The following OR1J2 variants were observed in gnomAD, a reference collection of about 807,000 sequenced individuals.
OR1J2 encodes olfactory receptor 1J2.
For missense variants in OR1J2, 304 were observed against 246.1 expected, an observed-to-expected ratio of 1.24 and a Z score of -1.57; for synonymous variants, 142 against 99.7, an observed-to-expected ratio of 1.42 and a Z score of -2.52.
At chr9:122,493,552 C>G in the OR1J2 span, among the ~76,000 whole-genome samples, 3 of 152,078 alleles carry the variant, frequency 2.0e-5, no homozygotes, top group African/African-American at 7.2e-5. Context: ...GTAATAGCTC[C>G]CATTTCATTT....
At chr9:122,507,492 C>T (rs1238223127), upstream of OR1J2, among the ~76,000 whole-genome samples, 5 of 152,154 alleles carry the variant, frequency 3.3e-5, no homozygotes, top group Admixed American at 2.0e-4. Context: ...AGCTGCTAGG[C>T]ATCAGAATAT....
the OR1J2 span, among the ~76,000 whole-genome samples, chr9:122,540,811 C>A: frequency 1.3e-5 from 2 of 152,140 alleles, no homozygotes; most frequent in Non-Finnish European, 2.9e-5. Context: ...GTTTGTAGCT[C>A]TCCTTGAAGA....
At chr9:122,503,615 T>C in the OR1J2 span, among the ~76,000 whole-genome samples, 3 of 152,226 alleles carry the variant, frequency 2.0e-5, no homozygotes, top group Non-Finnish European at 4.4e-5. Flanking sequence ...CTGGTAGGCA[T>C]TGACATAAGA....
At chr9:122,566,712 C>T in the OR1J2 span, among the ~76,000 whole-genome samples, 2 of 152,220 alleles carry the variant, frequency 1.3e-5, no homozygotes, top group South Asian at 4.1e-4. Flanking sequence ...ATATTCAATA[C>T]ACATTTACAA....
At chr9:122,481,428 G>A in the OR1J2 span, among the ~76,000 whole-genome samples, 3 of 151,196 alleles carry the variant, frequency 2.0e-5, no homozygotes, top group Non-Finnish European at 4.4e-5. Flanking sequence ...AATATATACT[G>A]CCACAAATCA....
the OR1J2 span, among the ~76,000 whole-genome samples, chr9:122,517,341 A>C: frequency 1.3e-5 from 2 of 152,316 alleles, no homozygotes. Flanking sequence ...TGGGCCAGGC[A>C]TTCTTGCCCC....
the OR1J2 span, among the ~76,000 whole-genome samples, chr9:122,573,945 T>A: frequency 1.3e-5 from 2 of 152,248 alleles, no homozygotes; most frequent in Non-Finnish European, 2.9e-5. Flanking sequence ...TTCTTTTTGG[T>A]ATGTGGACGT....
the OR1J2 span, among the ~76,000 whole-genome samples, chr9:122,569,123 A>T: frequency 6.6e-6 from 1 of 152,074 alleles, no homozygotes; most frequent in South Asian, 2.1e-4. Context: ...AACGCAGTCA[A>T]TAGAGTGATT....
At chr9:122,494,221 T>C in the OR1J2 span, among the ~76,000 whole-genome samples, 1 of 152,154 alleles carries the variant, frequency 6.6e-6, no homozygotes. Flanking sequence ...ATAGTTTAAG[T>C]CTATTGTTTC....
At chr9:122,566,003 A>G in the OR1J2 span, among the ~76,000 whole-genome samples, 1 of 152,210 alleles carries the variant, frequency 6.6e-6, no homozygotes, top group South Asian at 2.1e-4. Context: ...GGATCTATGG[A>G]GTATGATCCA....
the OR1J2 span, among the ~76,000 whole-genome samples, chr9:122,465,210 C>T: frequency 2.0e-5 from 3 of 152,058 alleles, no homozygotes; most frequent in Admixed American, 2.0e-4. Context: ...AAATTTTGCG[C>T]GTCTGGGGAA....
At chr9:122,556,939 A>G in the OR1J2 span, among the ~76,000 whole-genome samples, 1 of 151,952 alleles carries the variant, frequency 6.6e-6, no homozygotes, top group Non-Finnish European at 1.5e-5. Flanking sequence ...TCAGTTCTGC[A>G]GTTTTTCTCA....
chr9:122,562,459 A>G, the OR1J2 span, among the ~76,000 whole-genome samples: 46,873 of 152,068 alleles, frequency 0.31, 8,085 homozygotes, highest in East Asian at 0.81. Flanking sequence ...AGGGGCTCTC[A>G]AGTGGGATCT....
At chr9:122,534,056 C>T in the OR1J2 span, among the ~76,000 whole-genome samples, 4 of 152,084 alleles carry the variant, frequency 2.6e-5, no homozygotes, top group South Asian at 4.2e-4. Context: ...CATGGGCTGC[C>T]GGTATTCCGT....
At chr9:122,548,035 T>C in the OR1J2 span, among the ~76,000 whole-genome samples, 1 of 152,246 alleles carries the variant, frequency 6.6e-6, no homozygotes, top group Non-Finnish European at 1.5e-5. Flanking sequence ...ATTTCTCTGA[T>C]GGTTAGTGAT....
the OR1J2 span, among the ~76,000 whole-genome samples, chr9:122,516,798 A>G: frequency 6.6e-6 from 1 of 152,158 alleles, no homozygotes; most frequent in Non-Finnish European, 1.5e-5. Context: ...GAATAGTGAG[A>G]TATCTGAGCC....
the OR1J2 span, chr9:122,553,532 C>T: frequency 6.2e-7 from 1 of 1,614,126 alleles, no homozygotes; most frequent in East Asian, 2.2e-5. Context: ...TATATTTCCT[C>T]CTTATGTTTG....
the OR1J2 span, chr9:122,568,536 AC>A: frequency 1.0e-6 from 1 of 984,450 alleles, no homozygotes; most frequent in South Asian, 1.6e-5. Context: ...TGATTTCATA[AC>A]ACCAATCATG....
At chr9:122,477,445 A>C in the OR1J2 span, 1 of 1,614,038 alleles carries the variant, frequency 6.2e-7, no homozygotes, top group South Asian at 1.1e-5. Context: ...GGCCAGGAGG[A>C]GGGTATGCAA....
Sources: allele counts gnomAD v4.1 joint callset (sites outside exome capture counted in the v4.1 genomes callset), GRCh38; gene constraint gnomAD v4.1.1; transcripts MANE v1.5; gene names NCBI Gene and HGNC (gene_info 2026-07-23, HGNC 2026-07-21).